GALT: variants seen among roughly 807,000 people sequenced by gnomAD.
GALT encodes the protein UDP-glucose--hexose-1-phosphate uridylyltransferase.
Under a neutral mutation model 55.4 loss-of-function variants are expected in GALT, and 42 were observed. The ratio of observed to expected loss-of-function variants is 0.76; its 90% CI spans 0.59 to 0.98. GALT has a LOEUF of 0.98. Ranked by LOEUF, GALT falls within the 50% of genes least tolerant of loss-of-function variation. The pLI, the probability that GALT is intolerant of heterozygous loss-of-function variation, is 0.00. For missense variants in GALT, 407 were observed against 495.7 expected, an observed-to-expected ratio of 0.82 and a Z score of 1.70; for synonymous variants, 154 against 181.5, an observed-to-expected ratio of 0.85 and a Z score of 1.22.
In GALT at chr9:34,649,447, C is replaced by A; in HGVS notation, c.942C>A (p.Asn314Lys). 2 of 1,614,190 alleles carry A rather than the reference C, an allele frequency of 1.2e-6. No individual in the cohort carries two copies. The highest frequency in any genetic ancestry group is 1.7e-6 in the Non-Finnish European group (2 of 1,180,048). Reference sequence around the variant, plus strand: ...GATCAGAGGCTGGGGCCAACTGGAACCATTGGCAGCTGCACGCTCATTACT... The same window carrying A: ...GATCAGAGGCTGGGGCCAACTGGAAACATTGGCAGCTGCACGCTCATTACT... ...PTGSEAGANW[N>K]HWQLHAHYYP... Residue 314 changes from asparagine to lysine, a missense_variant, in exon 10 of 11, where the codon AAC becomes AAA. Coordinates refer to ENST00000378842, the MANE Select transcript of GALT (RefSeq NM_000155.4).
rs1318860626 is a variant in GALT, at chr9:34,646,693, C to T, written c.-12C>T. 3 of 1,613,682 alleles carry T rather than the reference C, an allele frequency of 1.9e-6. No homozygotes were observed. The highest frequency in any genetic ancestry group is 2.7e-5 in the African/African-American group (2 of 75,050). On this transcript the variant is annotated 5_prime_UTR_variant, in exon 1 of 11. Coordinates refer to ENST00000378842, the MANE Select transcript of GALT (RefSeq NM_000155.4). ...GCCCTGCAGATTTTCCAGCGGATCC[C>T]CCGGTGGCCTCATGTCGCGCAGTGG...
Position 34,648,610 on chromosome 9 carries a change from G to A in GALT, c.688-152G>A. Reference sequence around the variant, plus strand: ...TCCAGTAATCTAAAGGAAAGATGATGGTGACTTAGACTCGGGTGGTTAGTG... The same window carrying A: ...TCCAGTAATCTAAAGGAAAGATGATAGTGACTTAGACTCGGGTGGTTAGTG... On this transcript the variant is annotated intron_variant, in intron 7 of 10. Transcript: ENST00000378842. This position sits in a 1 kb window ranked among gnomAD's most constrained non-coding sequence, Gnocchi z 4.9. The A allele has an allele frequency of 6.7e-7, 1 of 1,492,946 alleles. No individual in the cohort carries two copies. Among genetic ancestry groups the A allele is most frequent in the Non-Finnish European group, 9.3e-7 (1 of 1,077,228 alleles). The allele number at this position is 1,492,946 out of a possible 1,614,324, so 92.5% of individuals were successfully genotyped here.
chr9:34,647,231 T>C lies in GALT; in HGVS notation c.225T>C (p.Cys75=). 2.5e-6 allele frequency: 4 copies of C among 1,614,116 alleles called. No individual in the cohort carries two copies. Among genetic ancestry groups the C allele is most frequent in the Non-Finnish European group, 3.4e-6 (4 of 1,179,990 alleles). ...VPRHDPLNPL[C]PGAIRANGEV... The stretch of plus-strand genomic sequence containing the variant: ...GCCATGACCCTCTCAACCCTCTGTG[T>C]CCTGGGGCCATCCGAGCCAACGGAG... The change falls in exon 2 of 11, where the codon TGT becomes TGC. Residue 75 remains cysteine (C), a synonymous_variant. Coordinates refer to ENST00000378842, the MANE Select transcript of GALT (RefSeq NM_000155.4). This position sits in a 1 kb window ranked among gnomAD's most constrained non-coding sequence, Gnocchi z 5.6.
At position 34,648,507 on chromosome 9, in the gene GALT, C is replaced by G; in HGVS notation, c.687+51C>G. 1 of 1,613,514 alleles carries G rather than the reference C, an allele frequency of 6.2e-7. No individual in the cohort carries two copies. The highest frequency in any genetic ancestry group is 1.7e-5 in the Admixed American group (1 of 59,998). The stretch of plus-strand genomic sequence containing the variant: ...CCCAAGGAGTCCCTAACTTTCTTAT[C>G]CCATGAGAGAGGTGTGTAAAGGAGA... On this transcript the variant is annotated intron_variant, in intron 7 of 10. Coordinates refer to ENST00000378842, the MANE Select transcript of GALT (RefSeq NM_000155.4). The surrounding 1 kb of genome is among the most constrained non-coding windows in gnomAD (Gnocchi z 4.9).
At position 34,650,847 on chromosome 9, in the gene GALT, G is replaced by A. The variant is rs1821237256; in HGVS notation, c.*398G>A. ...TTGGTTGTGGCTGAGGCTTTGGGAA[G>A]GCCAGAGCCCCCTTTGCCACCACCC... On this transcript the variant is annotated 3_prime_UTR_variant, in exon 11 of 11. Transcript: ENST00000378842. 4.7e-6 allele frequency: 1 copy of A among 214,822 alleles called. No individual in the cohort carries two copies. The highest frequency in any genetic ancestry group is 9.4e-6 in the Non-Finnish European group (1 of 105,934). The allele number at this position is 214,822 out of a possible 1,614,324, so 13.3% of individuals were successfully genotyped here. A position where few individuals can be genotyped will look rare whatever the true frequency, so the allele number is the denominator to read the frequency against.
chr9:34,647,779 G>T lies in GALT; in HGVS notation c.378-53G>T. ...TCAGCATTGGGGTTCGGCCCTGCCC[G>T]TAGCACAGCCAAGCCCTACCTCTCG... is the stretch of plus-strand genomic sequence containing the variant. On this transcript the variant is annotated intron_variant, in intron 4 of 10. Coordinates refer to ENST00000378842, the MANE Select transcript of GALT (RefSeq NM_000155.4). The surrounding 1 kb of genome is among the most constrained non-coding windows in gnomAD (Gnocchi z 5.6). 6.2e-7 allele frequency: 1 copy of T among 1,614,110 alleles called. No homozygotes were observed. The highest frequency in any genetic ancestry group is 8.5e-7 in the Non-Finnish European group (1 of 1,179,980).
intron 1 of GALT, 144 bp from the exon 2 acceptor site, chr9:34,646,945 T>C: frequency 6.2e-7 from 1 of 1,605,498 alleles, no homozygotes. Context: ...CAATTGGCGC[T>C]GGGAAAGTCC....
Position 34,648,008 on chromosome 9 carries a change from G to A in GALT, c.507+47G>A. 3 of 1,614,230 alleles carry A rather than the reference G, an allele frequency of 1.9e-6. No homozygotes were observed. Among genetic ancestry groups the A allele is most frequent in the Non-Finnish European group, 1.7e-6 (2 of 1,180,038 alleles). On this transcript the variant is annotated intron_variant, in intron 5 of 10. Transcript: ENST00000378842. This position sits in a 1 kb window ranked among gnomAD's most constrained non-coding sequence, Gnocchi z 4.9. The stretch of plus-strand genomic sequence containing the variant: ...CCTGGATGGGCAGGGAGGGGGTGAT[G>A]AAGCTTTGGTTCTGGGGAGTAACAT...
In GALT at chr9:34,648,062, GGAGTT is replaced by G. The variant is rs1471829295; in HGVS notation, c.508-50_508-46del. On this transcript the variant is annotated intron_variant, in intron 5 of 10. Transcript: ENST00000378842. The surrounding 1 kb of genome is among the most constrained non-coding windows in gnomAD (Gnocchi z 4.9). ...TGTTTCCACAGGGTGTGGTCAGGAGGGAGTTGACTTGGTGTCTTTTGGCTAACAGA... is the reference window on the plus strand; with the variant it reads ...TGTTTCCACAGGGTGTGGTCAGGAGGGACTTGGTGTCTTTTGGCTAACAGA... The G allele has an allele frequency of 6.2e-7, 1 of 1,614,018 alleles. No homozygotes were observed. The highest frequency in any genetic ancestry group is 1.3e-5 in the African/African-American group (1 of 74,886).
At chr9:34,650,282 CAAAA>C in intron 10 of GALT, 83 bp from the exon 11 acceptor site, 6 of 574,034 alleles carry the variant, frequency 1.0e-5, no homozygotes, top group South Asian at 3.8e-5. Flanking sequence ...GACCTCGTCT[CAAAA>C]AAAAAAAAAA....
Position 34,648,931 on chromosome 9 carries a change from G to A in GALT, c.820+37G>A, listed in dbSNP as rs1821180878. 2.5e-6 allele frequency: 4 copies of A among 1,613,906 alleles called. No individual in the cohort carries two copies. Among genetic ancestry groups the A allele is most frequent in the Non-Finnish European group, 3.4e-6 (4 of 1,180,006 alleles). On this transcript the variant is annotated intron_variant, in intron 8 of 10. Transcript: ENST00000378842. The surrounding 1 kb of genome is among the most constrained non-coding windows in gnomAD (Gnocchi z 4.9). ...AAGTAGGATCCTGGGGCTAGGCACTGGATGGAGGTTGCTCCCAGTAGGGTC... is the reference window on the plus strand; with the variant it reads ...AAGTAGGATCCTGGGGCTAGGCACTAGATGGAGGTTGCTCCCAGTAGGGTC...
At position 34,647,867 on chromosome 9, in the gene GALT, C is replaced by T. The variant is rs111033686; in HGVS notation, c.413C>T (p.Thr138Met). The T allele has an allele frequency of 8.1e-6, 13 of 1,614,074 alleles. No individual in the cohort carries two copies. Among genetic ancestry groups the T allele is most frequent in the Admixed American group, 3.3e-5 (2 of 60,002 alleles). ...TGCTTCCACCCCTGGTCGGATGTAA[C>T]GCTGCCACTCATGTCGGTCCCTGAG... is the stretch of plus-strand genomic sequence containing the variant. The part of the protein sequence containing the change: ...VMCFHPWSDV[T>M]LPLMSVPEIR... The change falls in exon 5 of 11, where the codon ACG becomes ATG. Residue 138 changes from threonine (T) to methionine (M), a missense_variant. Transcript: ENST00000378842. The surrounding 1 kb of genome is among the most constrained non-coding windows in gnomAD (Gnocchi z 5.6).
At chr9:34,646,915 G>A in intron 1 of GALT, 129 bp downstream of exon 1, 1 of 1,606,092 alleles carries the variant, frequency 6.2e-7, no homozygotes. Flanking sequence ...ACAGTCTGCA[G>A]GCCTGTACGA....
chr9:34,650,417 CAGA>C lies in GALT; in HGVS notation c.1111_1113del (p.Lys371del). ...TCCTGAGGTTCATTACCACCTGGGG[CAGA>C]AGGACAGGGAGACAGCAACCATCGC... On this transcript the variant is annotated inframe_deletion, in exon 11 of 11. Coordinates refer to ENST00000378842, the MANE Select transcript of GALT (RefSeq NM_000155.4). 1 of 1,614,104 alleles carries C rather than the reference CAGA, an allele frequency of 6.2e-7. No homozygotes were observed. The highest frequency in any genetic ancestry group is 8.5e-7 in the Non-Finnish European group (1 of 1,180,022).
intron 1 of GALT, 30 bp downstream of exon 1, chr9:34,646,816 G>T (rs919357872): frequency 6.2e-7 from 1 of 1,613,004 alleles, no homozygotes. Context: ...GACTCGCTGG[G>T]GCGCGGAGCC....
Position 34,648,595 on chromosome 9 carries a change from T to C in GALT, c.687+139T>C. On this transcript the variant is annotated intron_variant, in intron 7 of 10. Transcript: ENST00000378842. This position sits in a 1 kb window ranked among gnomAD's most constrained non-coding sequence, Gnocchi z 4.9. ...AGGCCTTAGCAATAATCCAGTAATC[T>C]AAAGGAAAGATGATGGTGACTTAGA... The C allele has an allele frequency of 6.6e-7, 1 of 1,513,574 alleles. No individual in the cohort carries two copies. The highest frequency in any genetic ancestry group is 9.1e-7 in the Non-Finnish European group (1 of 1,094,780). 93.8% of individuals were successfully genotyped at this position (1,513,574 alleles called of 1,614,324 possible).
At position 34,647,635 on chromosome 9, in the gene GALT, G is replaced by A; in HGVS notation, c.329-22G>A. 1 of 1,614,192 alleles carries A rather than the reference G, an allele frequency of 6.2e-7. No homozygotes were observed. Among genetic ancestry groups the A allele is most frequent in the Non-Finnish European group, 8.5e-7 (1 of 1,180,030 alleles). On this transcript the variant is annotated intron_variant, in intron 3 of 10. Coordinates refer to ENST00000378842, the MANE Select transcript of GALT (RefSeq NM_000155.4). This position sits in a 1 kb window ranked among gnomAD's most constrained non-coding sequence, Gnocchi z 5.6. Reference sequence around the variant, plus strand: ...CCTCTTGAGGGACTTCTGCTGCAGAGAGTGATACTCCTTTACCTCAGGACC... The same window carrying A: ...CCTCTTGAGGGACTTCTGCTGCAGAAAGTGATACTCCTTTACCTCAGGACC...
In GALT at chr9:34,648,186, G is replaced by A. The variant is rs111033732; in HGVS notation, c.564+15G>A. The A allele has an allele frequency of 1.2e-4, 198 of 1,614,072 alleles. No individual in the cohort carries two copies. The Admixed American group carries it at 3.2e-3, about 26-fold the overall frequency. On this transcript the variant is annotated intron_variant, in intron 6 of 10. Transcript: ENST00000378842. The surrounding 1 kb of genome is among the most constrained non-coding windows in gnomAD (Gnocchi z 4.9). ...CCCACTGCCAGGTAAGGGTGTCAGG[G>A]GCTCCAGTGGGTTTCTTGGCTGAGT...
chr9:34,648,732 G>T lies in GALT; in HGVS notation c.688-30G>T. 2 of 1,611,866 alleles carry T rather than the reference G, an allele frequency of 1.2e-6. No individual in the cohort carries two copies. The highest frequency in any genetic ancestry group is 1.1e-5 in the South Asian group (1 of 91,068). ...CACACTCCGGCTCCTATGTCACCTT[G>T]ATGACTTCCTATCCATTCTGTCTTC... On this transcript the variant is annotated intron_variant, in intron 7 of 10. Transcript: ENST00000378842. The surrounding 1 kb of genome is among the most constrained non-coding windows in gnomAD (Gnocchi z 4.9).
Sources: gnomAD v4.1 joint callset for allele counts on GRCh38, gnomAD v4.1.1 for gene constraint, Gnocchi (gnomAD v3.1) non-coding constraint, MANE v1.5 for transcripts, NCBI Gene and HGNC (gene_info 2026-07-23, HGNC 2026-07-21) for gene names.